The following CSMD2 variants were observed in gnomAD, a reference collection of about 807,000 sequenced individuals.
CSMD2 encodes the protein CUB and sushi domain-containing protein 2.
A neutral mutation model predicts 398.5 loss-of-function variants in CSMD2; 130 were observed. That is an observed-to-expected ratio of 0.33 (90% CI 0.28 to 0.38). The LOEUF (loss-of-function observed/expected upper bound fraction) is 0.38. Among genes scored for constraint, CSMD2 ranks in the 10% least tolerant of loss-of-function variants. The pLI is 1.00. For synonymous variants in CSMD2, 1,828 were observed against 1,908.5 expected, an observed-to-expected ratio of 0.96 and a Z score of 1.10; for missense variants, 3,829 against 4,764.9, an observed-to-expected ratio of 0.80 and a Z score of 5.78.
In CSMD2 at chr1:33,918,578, T is replaced by A. The variant is rs557423587; in HGVS notation, c.713-277A>T. On this transcript the variant is annotated intron_variant, in intron 4 of 70. Transcript: ENST00000373381. ...TTTCAGGGAAGAAGGAACCAAATGG[T>A]CATAAGCAGAGACATATGAACGTGC... Among the ~76,000 whole-genome samples, 16 of 152,198 alleles carry A rather than the reference T, an allele frequency of 1.1e-4. No individual in the cohort carries two copies. In the East Asian group the frequency reaches 2.9e-3, roughly 28 times the overall value.
intron 1 of CSMD2, among the ~76,000 whole-genome samples, chr1:34,149,221 A>G (rs1225882926): frequency 6.6e-6 from 1 of 152,052 alleles, no homozygotes; most frequent in Admixed American, 6.5e-5. Context: ...CAGACTCTCT[A>G]AATACCCCTT....
intron 15 of CSMD2, 27 bp downstream of exon 15, chr1:33,739,113 C>T (rs2149245212): frequency 6.3e-7 from 1 of 1,597,034 alleles, no homozygotes; most frequent in East Asian, 2.3e-5. Context: ...TGACAATGGC[C>T]ACTGCTCCCA....
At position 33,636,548 on chromosome 1, in the gene CSMD2, G is replaced by A. The variant is rs748157929; in HGVS notation, c.4781C>T (p.Pro1594Leu). 35 of 1,613,748 alleles carry A rather than the reference G, an allele frequency of 2.2e-5. No individual in the cohort carries two copies. The East Asian group carries it at 4.7e-4, about 22-fold the overall frequency. The change falls in exon 30 of 71, where the codon CCG (proline) becomes CTG (leucine). Residue 1594 changes from proline (P) to leucine (L), a missense_variant. Coordinates refer to ENST00000373381, the MANE Select transcript of CSMD2 (RefSeq NM_001281956.2). The surrounding 1 kb of genome is among the most constrained non-coding windows in gnomAD (Gnocchi z 4.8). ...ACCAGGATCAAAACATGACTCCCGC[G>A]GGTTTTCTGGGAAAAAGAAATACAA... Reference protein sequence around the residue: ...AGFVIDYTENPRESCFDPGSI... With the variant: ...AGFVIDYTENLRESCFDPGSI...
At position 33,633,454 on chromosome 1, in the gene CSMD2, C is replaced by T. The variant is rs1408147778; in HGVS notation, c.5168G>A (p.Arg1723Gln). 3.2e-6 allele frequency: 5 copies of T among 1,553,960 alleles called. No homozygotes were observed. The Admixed American group carries it at 9.8e-5, about 30-fold the overall frequency. Residue 1723 changes from arginine (R) to glutamine (Q), a missense_variant, in exon 32 of 71, where the codon CGG becomes CAG. Transcript: ENST00000373381. The surrounding 1 kb of genome is among the most constrained non-coding windows in gnomAD (Gnocchi z 5.0). Reference sequence around the variant, plus strand: ...GGAGCCCGAGAGGGAGCTGAGGAGCCGCGAGTGCTGGCTGTGGCCGTCGTG... The same window carrying T: ...GGAGCCCGAGAGGGAGCTGAGGAGCTGCGAGTGCTGGCTGTGGCCGTCGTG... ...EVHDGHSQHS[R>Q]LLSSLSGSHT...
At chr1:33,856,908 G>A (rs892322452) in intron 5 of CSMD2, among the ~76,000 whole-genome samples, 4 of 151,728 alleles carry the variant, frequency 2.6e-5, no homozygotes, top group African/African-American at 7.3e-5. Flanking sequence ...GTGCGATTGT[G>A]AGTGACGCTC....
intron 1 of CSMD2, among the ~76,000 whole-genome samples, chr1:34,114,414 T>C (rs1366858834): frequency 1.4e-5 from 2 of 147,906 alleles, no homozygotes; most frequent in African/African-American, 5.0e-5. Flanking sequence ...AGGAAGAAAA[T>C]AGGCTGAGCA....
chr1:33,985,047 G>A (rs965845611), intron 3 of CSMD2, among the ~76,000 whole-genome samples: 1 of 152,256 alleles, frequency 6.6e-6, no homozygotes, highest in South Asian at 2.1e-4. Context: ...TGGCGTTAAC[G>A]GTTCCCATTG....
chr1:33,592,339 C>T, intron 44 of CSMD2: 2 of 714,526 alleles, frequency 2.8e-6, no homozygotes, highest in Non-Finnish European at 5.2e-6. Flanking sequence ...AGTAGAATCT[C>T]TTGGGTCCTA....
chr1:33,873,517 C>G (rs1640621960), intron 5 of CSMD2: 1 of 152,222 alleles, frequency 6.6e-6, no homozygotes, highest in Non-Finnish European at 1.5e-5. Flanking sequence ...CTCTCTCTGG[C>G]TCTACTCTCT....
At position 33,541,207 on chromosome 1, in the gene CSMD2, A is replaced by G; in HGVS notation, c.9380T>C (p.Met3127Thr). 6.2e-7 allele frequency: 1 copy of G among 1,614,142 alleles called. No individual in the cohort carries two copies. Among genetic ancestry groups the G allele is most frequent in the South Asian group, 1.1e-5 (1 of 91,076 alleles). Residue 3127 changes from methionine (M) to threonine (T), a missense_variant, in exon 59 of 71, where the codon ATG (methionine) becomes ACG (threonine). Physicochemically the swap from Met to Thr is moderately conservative, Grantham distance 81 (BLOSUM62 -1). This residue lies in a region of CSMD2 where 917 missense variants were observed against 1,199.5 expected (regional missense o/e 0.76). Transcript: ENST00000373381. ...TVTYQCVPGY[M>T]MESHRVSVLS... ...CACAGATACTCTATGTGACTCCATC[A>G]TATAGCCAGGGACACACTGATATGT... is the stretch of plus-strand genomic sequence containing the variant.
At chr1:34,006,113 T>C (rs1375361782) in intron 3 of CSMD2, among the ~76,000 whole-genome samples, 1 of 152,206 alleles carries the variant, frequency 6.6e-6, no homozygotes, top group Non-Finnish European at 1.5e-5. Context: ...TATCAGTATA[T>C]ACTTGGCCCT....
At chr1:33,721,783 T>G (rs538504876) in intron 19 of CSMD2, among the ~76,000 whole-genome samples, 1 of 152,236 alleles carries the variant, frequency 6.6e-6, no homozygotes, top group Non-Finnish European at 1.5e-5. Context: ...GGACTATAAA[T>G]GACTTTTCTT....
intron 48 of CSMD2, among the ~76,000 whole-genome samples, chr1:33,579,538 C>A (rs1638543174): frequency 6.6e-6 from 1 of 152,050 alleles, no homozygotes; most frequent in Admixed American, 6.6e-5. Flanking sequence ...GAAAGCTACA[C>A]CCAGGGATTC....
rs1015081019 is a variant in CSMD2, at chr1:33,559,010, G to A, written c.8554+290C>T. On this transcript the variant is annotated intron_variant, in intron 54 of 70. Coordinates refer to ENST00000373381, the MANE Select transcript of CSMD2 (RefSeq NM_001281956.2). This position sits in a 1 kb window ranked among gnomAD's most constrained non-coding sequence, Gnocchi z 4.0. ...AAATAAACCTCTGTTAAAAAATAAC[G>A]GGGCTTTATAAGATAATGATACATT... 6.6e-6 allele frequency among the ~76,000 whole-genome samples: 1 copy of A among 152,068 alleles called. No homozygotes were observed. The highest frequency in any genetic ancestry group is 2.1e-4 in the South Asian group (1 of 4,824).
At chr1:33,764,653 G>C (rs1014511375) in intron 13 of CSMD2, among the ~76,000 whole-genome samples, 1 of 152,216 alleles carries the variant, frequency 6.6e-6, no homozygotes, top group Non-Finnish European at 1.5e-5. Flanking sequence ...AGCTCACACC[G>C]ATCACGGTCC....
chr1:34,152,920 A>G (rs1640462276), intron 1 of CSMD2, among the ~76,000 whole-genome samples: 1 of 151,810 alleles, frequency 6.6e-6, no homozygotes, highest in East Asian at 1.9e-4. Context: ...CCACCATTCT[A>G]TTTTCTGTCT....
intron 2 of CSMD2, among the ~76,000 whole-genome samples, chr1:34,078,569 G>T (rs1015494181): frequency 6.6e-6 from 1 of 152,052 alleles, no homozygotes; most frequent in African/African-American, 2.4e-5. Context: ...CTGTAAGGCG[G>T]GTAAATGTCA....
At chr1:33,757,166 G>A (rs1649152372) in intron 13 of CSMD2, among the ~76,000 whole-genome samples, 1 of 151,980 alleles carries the variant, frequency 6.6e-6, no homozygotes, top group Non-Finnish European at 1.5e-5. Context: ...GTGGGGTGGG[G>A]GGAGTGGGGA....
intron 12 of CSMD2, among the ~76,000 whole-genome samples, chr1:33,774,144 TGTGTG>T (rs1206920874): frequency 7.0e-6 from 1 of 143,018 alleles, no homozygotes; most frequent in Non-Finnish European, 1.5e-5. Context: ...TGTGTGTGTG[TGTGTG>T]ATCATCTAAG....
Sources: gnomAD v4.1 joint callset for allele counts (sites outside exome capture counted in the v4.1 genomes callset) on GRCh38, gnomAD v4.1.1 for gene constraint, gnomAD v4.1.1 regional missense constraint, Gnocchi (gnomAD v3.1) non-coding constraint, MANE v1.5 for transcripts, NCBI Gene and HGNC (gene_info 2026-07-23, HGNC 2026-07-21) for gene names.